Variants in NSMCE2 observed in about 807,000 individuals in gnomAD.
The protein encoded by NSMCE2 is E3 SUMO-protein ligase NSE2.
In NSMCE2, 24 loss-of-function variants were observed where a neutral mutation model predicts 23.8. The observed-to-expected ratio is 1.01, with a 90% CI of 0.73 to 1.42. The LOEUF (loss-of-function observed/expected upper bound fraction) is 1.42. Among genes scored for constraint, NSMCE2 ranks in the 40% most tolerant of loss-of-function variants. NSMCE2 has a pLI of 0.00. For missense variants in NSMCE2, 284 were observed against 296.5 expected (o/e 0.96, Z 0.31); for synonymous variants, 92 against 94.1 (o/e 0.98, Z 0.13).
intron 5 of NSMCE2, among the ~76,000 whole-genome samples, chr8:125,317,286 C>T (rs575465180): frequency 1.3e-5 from 2 of 152,004 alleles, no homozygotes; most frequent in Non-Finnish European, 2.9e-5. Flanking sequence ...CAGCCTCAAC[C>T]TCCTGGGCTT....
chr8:125,169,844 T>C (rs1236440310), intron 4 of NSMCE2, among the ~76,000 whole-genome samples: 1 of 152,128 alleles, frequency 6.6e-6, no homozygotes, highest in Non-Finnish European at 1.5e-5. Context: ...ACCTCTCTAG[T>C]CTCATTTTGT....
At chr8:125,257,524 T>C (rs59172051) in intron 5 of NSMCE2, among the ~76,000 whole-genome samples, 15 of 23,236 alleles carry the variant, frequency 6.5e-4, no homozygotes, top group African/African-American at 6.0e-3. Context: ...AAATTTCTCT[T>C]TTTTTTTTTT....
chr8:125,321,438 G>A (rs536956103), intron 5 of NSMCE2, among the ~76,000 whole-genome samples: 3 of 152,274 alleles, frequency 2.0e-5, no homozygotes, highest in South Asian at 2.1e-4. Context: ...AACTGGCTTC[G>A]TGGTGAATTC....
chr8:125,290,160 A>C (rs1241058395), intron 5 of NSMCE2, among the ~76,000 whole-genome samples: 1 of 152,208 alleles, frequency 6.6e-6, no homozygotes, highest in Non-Finnish European at 1.5e-5. Flanking sequence ...ATGACGTTAA[A>C]AAAAACTCCA....
At chr8:125,301,569 G>T (rs1828564082) in intron 5 of NSMCE2, among the ~76,000 whole-genome samples, 2 of 151,980 alleles carry the variant, frequency 1.3e-5, no homozygotes, top group South Asian at 4.1e-4. Flanking sequence ...AGTTCCTTCA[G>T]AAGGGGACCC....
chr8:125,311,741 G>T (rs1365936691), intron 5 of NSMCE2, among the ~76,000 whole-genome samples: 2 of 152,228 alleles, frequency 1.3e-5, no homozygotes, highest in Non-Finnish European at 2.9e-5. Flanking sequence ...AATAATTCAT[G>T]TGAACCTAAA....
At chr8:125,202,353 A>G (rs1229924826) in intron 5 of NSMCE2, among the ~76,000 whole-genome samples, 1 of 152,222 alleles carries the variant, frequency 6.6e-6, no homozygotes, top group Non-Finnish European at 1.5e-5. Context: ...CTTGGAACGG[A>G]CCAGCCCTGG....
intron 4 of NSMCE2, among the ~76,000 whole-genome samples, chr8:125,152,811 A>C (rs925140489): frequency 2.6e-5 from 4 of 152,146 alleles, no homozygotes; most frequent in African/African-American, 9.7e-5. Context: ...TAATCTCAGC[A>C]CTTTGGGAGG....
chr8:125,112,749 G>A (rs1173384751), intron 3 of NSMCE2, among the ~76,000 whole-genome samples: 2 of 152,094 alleles, frequency 1.3e-5, no homozygotes, highest in African/African-American at 4.8e-5. Flanking sequence ...GAAGGGAAGG[G>A]TGGGAGGACT....
rs1173675633 is a variant in NSMCE2 at position 125,102,504 on chromosome 8, C to T, written c.157+17C>T. The stretch of plus-strand genomic sequence containing the variant: ...AAAGTCAGAGTAAGTAAAATTAAAA[C>T]CTCTTTTGTGTCTACTTTGAGGTAA... On this transcript the variant is annotated intron_variant, in intron 3 of 7. Transcript: ENST00000287437. The T allele has an allele frequency of 6.2e-7, 1 of 1,606,926 alleles. No homozygotes were observed. The highest frequency in any genetic ancestry group is 1.7e-5 in the Admixed American group (1 of 59,970).
At chr8:125,223,933 T>A (rs1311895113) in intron 5 of NSMCE2, among the ~76,000 whole-genome samples, 1 of 151,734 alleles carries the variant, frequency 6.6e-6, no homozygotes, top group Non-Finnish European at 1.5e-5. Flanking sequence ...ATCTTCCTGG[T>A]TCAAGAGATT....
intron 5 of NSMCE2, among the ~76,000 whole-genome samples, chr8:125,245,855 G>A (rs1212095827): frequency 2.0e-5 from 3 of 151,930 alleles, no homozygotes; most frequent in Non-Finnish European, 4.4e-5. Context: ...GTGAAACCTC[G>A]TCTCTACTAA....
chr8:125,210,764 A>G (rs1824296727), intron 5 of NSMCE2, among the ~76,000 whole-genome samples: 1 of 152,054 alleles, frequency 6.6e-6, no homozygotes, highest in Non-Finnish European at 1.5e-5. Flanking sequence ...CCAAGGCTGG[A>G]GTGCAGTGGC....
At chr8:125,250,045 A>G (rs147539650) in intron 5 of NSMCE2, among the ~76,000 whole-genome samples, 1 of 152,198 alleles carries the variant, frequency 6.6e-6, no homozygotes, top group East Asian at 1.9e-4. Context: ...GCTGGAGTGC[A>G]ATGGCGCAAT....
chr8:125,200,578 C>T (rs537466407), intron 5 of NSMCE2, among the ~76,000 whole-genome samples: 1 of 124,200 alleles, frequency 8.1e-6, no homozygotes, highest in South Asian at 3.0e-4. Flanking sequence ...TGTGGGTAAC[C>T]TGACTTTTCT....
chr8:125,152,862 A>C (rs1032636312), intron 4 of NSMCE2, among the ~76,000 whole-genome samples: 6 of 152,084 alleles, frequency 3.9e-5, no homozygotes, highest in Non-Finnish European at 7.4e-5. Flanking sequence ...GTTTGAGACC[A>C]GCCTGGCCAA....
At chr8:125,320,869 C>T (rs1354810369) in intron 5 of NSMCE2, among the ~76,000 whole-genome samples, 1 of 152,136 alleles carries the variant, frequency 6.6e-6, no homozygotes, top group Non-Finnish European at 1.5e-5. Context: ...GTTCAGTGGG[C>T]TGTACAGGAA....
chr8:125,363,844 A>G (rs1353816624), intron 7 of NSMCE2, among the ~76,000 whole-genome samples: 4 of 152,184 alleles, frequency 2.6e-5, no homozygotes, highest in Admixed American at 2.0e-4. Flanking sequence ...AATGATGCAT[A>G]CCTGGGCCAA....
intron 5 of NSMCE2, among the ~76,000 whole-genome samples, chr8:125,245,884 G>C (rs1029700900): frequency 6.6e-6 from 1 of 151,928 alleles, no homozygotes; most frequent in Non-Finnish European, 1.5e-5. Flanking sequence ...CAACTAACTA[G>C]GTGTGGTGAG....
Sources: gnomAD v4.1 joint callset for allele counts (sites outside exome capture counted in the v4.1 genomes callset) on GRCh38, gnomAD v4.1.1 for gene constraint, MANE v1.5 for transcripts, NCBI Gene and HGNC (gene_info 2026-07-23, HGNC 2026-07-21) for gene names.